The following CEP128 variants were observed in gnomAD, a reference collection of about 807,000 sequenced individuals.
CEP128 encodes centrosomal protein 128.
A neutral mutation model predicts 156.7 loss-of-function variants in CEP128; 132 were observed. The ratio of observed to expected loss-of-function variants is 0.84; its 90% CI spans 0.73 to 0.97. The LOEUF (loss-of-function observed/expected upper bound fraction) is 0.97, where lower values mean the gene tolerates loss of function less well. Ranked by LOEUF, CEP128 falls within the 50% of genes least tolerant of loss-of-function variation. CEP128 has a pLI of 0.00. For missense variants in CEP128, 1,252 were observed against 1,281.9 expected (o/e 0.98, Z 0.36); for synonymous variants, 469 against 448.9 (o/e 1.04, Z -0.57).
At chr14:80,479,997 G>A (rs1486238490) in intron 14 of CEP128, among the ~76,000 whole-genome samples, 1 of 152,204 alleles carries the variant, frequency 6.6e-6, no homozygotes, top group African/African-American at 2.4e-5. Flanking sequence ...GAGGTGTGTT[G>A]CCATGGTCTT....
chr14:80,896,630 G>A (rs1412158288), intron 7 of CEP128, among the ~76,000 whole-genome samples: 1 of 151,992 alleles, frequency 6.6e-6, no homozygotes, highest in Admixed American at 6.6e-5. Context: ...TTGATGCTTT[G>A]TGCTCACATT....
intron 13 of CEP128, among the ~76,000 whole-genome samples, chr14:80,816,121 CTTAT>C (rs746905598): frequency 1.3e-5 from 2 of 151,984 alleles, no homozygotes; most frequent in African/African-American, 2.4e-5. Flanking sequence ...TAAAGAAATA[CTTAT>C]TTAAGACAAT....
intron 19 of CEP128, among the ~76,000 whole-genome samples, chr14:80,656,291 T>TTATATATATA (rs1159139132): frequency 2.3e-4 from 6 of 25,702 alleles, no homozygotes; most frequent in Non-Finnish European, 4.0e-4. Context: ...ATATATATAT[T>TTATATATATA]TATATATATA....
chr14:80,799,643 A>C (rs994922697), intron 13 of CEP128, among the ~76,000 whole-genome samples: 3 of 152,088 alleles, frequency 2.0e-5, no homozygotes, highest in African/African-American at 7.2e-5. Flanking sequence ...GAAGGAATGC[A>C]TTCCTAGGGG....
At chr14:80,899,878 G>T in intron 7 of CEP128, 60 bp downstream of exon 7, 1 of 1,152,824 alleles carries the variant, frequency 8.7e-7, no homozygotes, top group Non-Finnish European at 1.3e-6. Context: ...GTCAATTACA[G>T]AAGCTAATTT....
chr14:80,551,981 C>T (rs189486781), intron 21 of CEP128, among the ~76,000 whole-genome samples: 1 of 152,244 alleles, frequency 6.6e-6, no homozygotes, highest in East Asian at 1.9e-4. Context: ...GAAAATTTGC[C>T]TCATGGAACT....
At chr14:80,617,459 T>C (rs987864363) in intron 19 of CEP128, among the ~76,000 whole-genome samples, 4 of 151,902 alleles carry the variant, frequency 2.6e-5, no homozygotes, top group African/African-American at 9.7e-5. Flanking sequence ...ATGGTCTCGA[T>C]CTCCTGACCT....
intron 19 of CEP128, among the ~76,000 whole-genome samples, chr14:80,741,658 T>A (rs2139590336): frequency 6.6e-6 from 1 of 152,300 alleles, no homozygotes; most frequent in South Asian, 2.1e-4. Context: ...TGAGATGGCA[T>A]TAATTCTAGC....
chr14:80,900,272 C>T (rs1883469620), intron 6 of CEP128, among the ~76,000 whole-genome samples: 1 of 152,176 alleles, frequency 6.6e-6, no homozygotes, highest in Non-Finnish European at 1.5e-5. Flanking sequence ...CAGAATTCTA[C>T]CCCTCTAGAA....
chr14:80,752,797 C>A (rs992654723), intron 18 of CEP128, among the ~76,000 whole-genome samples: 13 of 152,298 alleles, frequency 8.5e-5, no homozygotes, highest in Admixed American at 3.9e-4. Context: ...AAACTAAAAA[C>A]ATCTTGGGCC....
At chr14:80,803,666 C>T (rs924602898) in intron 13 of CEP128, among the ~76,000 whole-genome samples, 4 of 151,968 alleles carry the variant, frequency 2.6e-5, no homozygotes, top group African/African-American at 9.7e-5. Flanking sequence ...AACAAGACAC[C>T]ACTCCCAAAT....
At chr14:80,633,811 A>G (rs1894065918) in intron 19 of CEP128, among the ~76,000 whole-genome samples, 1 of 152,206 alleles carries the variant, frequency 6.6e-6, no homozygotes, top group East Asian at 1.9e-4. Context: ...TAGTTAAAAT[A>G]AATGTGTGCC....
chr14:80,530,421 GA>G (rs1400836907), intron 22 of CEP128, among the ~76,000 whole-genome samples: 1 of 152,114 alleles, frequency 6.6e-6, no homozygotes, highest in Non-Finnish European at 1.5e-5. Flanking sequence ...GATAACTTGG[GA>G]ACTACCATAT....
chr14:80,574,353 C>A (rs1364166691), intron 20 of CEP128, among the ~76,000 whole-genome samples: 1 of 152,140 alleles, frequency 6.6e-6, no homozygotes, highest in African/African-American at 2.4e-5. Flanking sequence ...TACCTGCAAT[C>A]TCTAAAAGTA....
chr14:80,908,788 C>T (rs181214558), intron 4 of CEP128, among the ~76,000 whole-genome samples: 1 of 152,312 alleles, frequency 6.6e-6, no homozygotes, highest in Admixed American at 6.5e-5. Context: ...TCTGGTTCTG[C>T]TTCTAATAGA....
At position 80,839,491 on chromosome 14, in the gene CEP128, T is replaced by A. The variant is rs984679909; in HGVS notation, c.849+1191A>T. 9.1e-4 allele frequency among the ~76,000 whole-genome samples: 138 copies of A among 152,102 alleles called. 1 individual carries two copies. Among genetic ancestry groups the A allele is most frequent in the Non-Finnish European group, 7.7e-4 (52 of 67,960 alleles). On this transcript the variant is annotated intron_variant, in intron 10 of 24. Transcript: ENST00000555265. ...GAATCTATACAAGATAAAAATGGACTGAACTTCACACAAACACACACACAC... is the reference window on the plus strand; with the variant it reads ...GAATCTATACAAGATAAAAATGGACAGAACTTCACACAAACACACACACAC...
At chr14:80,798,955 T>C (rs1158888254) in intron 13 of CEP128, among the ~76,000 whole-genome samples, 1 of 152,224 alleles carries the variant, frequency 6.6e-6, no homozygotes, top group African/African-American at 2.4e-5. Context: ...ACAATGCATA[T>C]TTTAAATAAT....
intron 13 of CEP128, among the ~76,000 whole-genome samples, chr14:80,816,800 A>C (rs1884885302): frequency 6.6e-6 from 1 of 152,154 alleles, no homozygotes. Flanking sequence ...GCAACAAGTA[A>C]AACAGTGGAT....
At chr14:80,695,500 G>GA (rs1443505859) in intron 19 of CEP128, among the ~76,000 whole-genome samples, 1 of 151,940 alleles carries the variant, frequency 6.6e-6, no homozygotes, top group Non-Finnish European at 1.5e-5. Context: ...CGGATCACTT[G>GA]AGGTCAGGAG....
Sources: allele counts gnomAD v4.1 joint callset (sites outside exome capture counted in the v4.1 genomes callset), GRCh38; gene constraint gnomAD v4.1.1; transcripts MANE v1.5; gene names NCBI Gene and HGNC (gene_info 2026-07-23, HGNC 2026-07-21).